The following COP1 variants were observed in gnomAD, a reference collection of about 807,000 sequenced individuals.
The protein encoded by COP1 is COP1 E3 ubiquitin ligase.
In COP1, 24 loss-of-function variants were observed where a neutral mutation model predicts 101.3. The ratio of observed to expected loss-of-function variants is 0.24; its 90% CI spans 0.17 to 0.33. COP1 has a LOEUF of 0.33. Ranked by LOEUF, COP1 falls within the 10% of genes least tolerant of loss-of-function variation. COP1 has a pLI of 1.00. For missense variants in COP1, 663 were observed against 906.2 expected (o/e 0.73, Z 3.45); for synonymous variants, 347 against 341.9 (o/e 1.01, Z -0.17).
intron 1 of COP1, among the ~76,000 whole-genome samples, chr1:176,203,850 G>A (rs191341896): frequency 6.6e-6 from 1 of 152,126 alleles, no homozygotes; most frequent in Non-Finnish European, 1.5e-5. Flanking sequence ...AATTAGGTAC[G>A]TGACTATTTA....
chr1:175,981,397 G>A (rs1279412490), intron 18 of COP1, among the ~76,000 whole-genome samples: 1 of 152,002 alleles, frequency 6.6e-6, no homozygotes, highest in Non-Finnish European at 1.5e-5. Flanking sequence ...GGAAGCCAGG[G>A]AGGAAGAAAA....
At chr1:176,123,387 C>T (rs1277197727) in intron 8 of COP1, among the ~76,000 whole-genome samples, 1 of 152,050 alleles carries the variant, frequency 6.6e-6, no homozygotes. Flanking sequence ...CAAGTTTTAC[C>T]ATGTGCAGCT....
chr1:176,178,338 C>CA (rs11409695), intron 2 of COP1, among the ~76,000 whole-genome samples: 14,703 of 111,396 alleles, frequency 0.13, 1,175 homozygotes, highest in African/African-American at 0.25. Context: ...TCTGTCTCTA[C>CA]AAAAAAAAAA....
chr1:176,201,949 T>C (rs181246355), intron 1 of COP1, among the ~76,000 whole-genome samples: 1 of 152,336 alleles, frequency 6.6e-6, no homozygotes, highest in Admixed American at 6.5e-5. Flanking sequence ...TAACTGAACA[T>C]GCTTTTAACA....
chr1:175,948,886 T>C (rs1345571930), intron 18 of COP1, among the ~76,000 whole-genome samples: 1 of 152,046 alleles, frequency 6.6e-6, no homozygotes, highest in African/African-American at 2.4e-5. Flanking sequence ...ACATGGGGGC[T>C]GGGCGCAGTG....
At chr1:176,011,229 ATAAAAT>A (rs1325279946) in intron 15 of COP1, among the ~76,000 whole-genome samples, 4 of 152,198 alleles carry the variant, frequency 2.6e-5, no homozygotes, top group African/African-American at 9.6e-5. Flanking sequence ...TTTAAGTTAT[ATAAAAT>A]TAAACTAAAA....
At chr1:176,128,466 C>T (rs1461163635) in intron 8 of COP1, among the ~76,000 whole-genome samples, 1 of 152,012 alleles carries the variant, frequency 6.6e-6, no homozygotes, top group African/African-American at 2.4e-5. Flanking sequence ...TCAAGTTCAA[C>T]TCCTTGGCAT....
At chr1:176,157,591 C>T (rs1693670420) in intron 5 of COP1, among the ~76,000 whole-genome samples, 1 of 152,038 alleles carries the variant, frequency 6.6e-6, no homozygotes, top group Non-Finnish European at 1.5e-5. Context: ...CTAGCAGAGA[C>T]AAAAAACTGC....
At chr1:175,976,519 C>T (rs1382818332) in intron 18 of COP1, among the ~76,000 whole-genome samples, 1 of 151,906 alleles carries the variant, frequency 6.6e-6, no homozygotes, top group South Asian at 2.1e-4. Flanking sequence ...CTCAAGTGAT[C>T]CTCCCACCTC....
intron 10 of COP1, 70 bp from the exon 11 acceptor site, chr1:176,081,357 C>G: frequency 8.2e-7 from 1 of 1,222,146 alleles, no homozygotes; most frequent in East Asian, 2.5e-5. Flanking sequence ...AGAGCCACAT[C>G]CACAAATTAA....
chr1:176,192,846 C>T (rs766625490), intron 1 of COP1, among the ~76,000 whole-genome samples: 21 of 151,388 alleles, frequency 1.4e-4, no homozygotes, highest in Non-Finnish European at 3.0e-4. Context: ...GAGATGTGTT[C>T]CTTGTATCCC....
At chr1:175,957,611 A>G (rs1175797589) in intron 18 of COP1, among the ~76,000 whole-genome samples, 2 of 152,208 alleles carry the variant, frequency 1.3e-5, no homozygotes, top group African/African-American at 4.8e-5. Context: ...ACAACTATGG[A>G]AAAAGGTTTG....
chr1:176,036,328 C>A (rs1669534244), intron 14 of COP1, among the ~76,000 whole-genome samples: 1 of 151,490 alleles, frequency 6.6e-6, no homozygotes, highest in African/African-American at 2.4e-5. Flanking sequence ...TAGAAAATTA[C>A]AGAAAAATCA....
At position 176,147,948 on chromosome 1, in the gene COP1, G is replaced by A. The variant is rs542397839; in HGVS notation, c.831+1058C>T. ...AGATTCTCGCCCTGTTGCCCAGGCT[G>A]GAGTGCAGTGGCGCGATCTCGGCTC... On this transcript the variant is annotated intron_variant, in intron 6 of 19. Transcript: ENST00000367669. Among the ~76,000 whole-genome samples, 3 of 152,238 alleles carry A rather than the reference G, an allele frequency of 2.0e-5. No homozygotes were observed. In the South Asian group the frequency reaches 6.2e-4, roughly 32 times the overall value.
chr1:176,037,281 C>T (rs967619824), intron 14 of COP1, among the ~76,000 whole-genome samples: 1 of 151,888 alleles, frequency 6.6e-6, no homozygotes, highest in African/African-American at 2.4e-5. Flanking sequence ...GTGGCGGGTG[C>T]CCGTAGTCCC....
intron 15 of COP1, among the ~76,000 whole-genome samples, chr1:176,003,221 T>C (rs1388836775): frequency 1.3e-5 from 2 of 152,210 alleles, no homozygotes; most frequent in Admixed American, 1.3e-4. Context: ...TGTAAATTTG[T>C]TTGAGTTCAT....
chr1:176,196,052 T>C (rs1699649915), intron 1 of COP1, among the ~76,000 whole-genome samples: 1 of 152,084 alleles, frequency 6.6e-6, no homozygotes, highest in African/African-American at 2.4e-5. Flanking sequence ...ATGTTTCAAA[T>C]AAGAAATCAC....
chr1:176,204,452 GA>G (rs972082020), intron 1 of COP1, among the ~76,000 whole-genome samples: 32 of 149,738 alleles, frequency 2.1e-4, no homozygotes, highest in Admixed American at 4.7e-4. Flanking sequence ...CAAACGGGGG[GA>G]AAAAAAAAGA....
At position 176,207,012 on chromosome 1, in the gene COP1, G is replaced by A. The variant is rs893478803; in HGVS notation, c.-34C>T. 8.8e-6 allele frequency: 12 copies of A among 1,363,878 alleles called. No homozygotes were observed. The highest frequency in any genetic ancestry group is 1.0e-5 in the Non-Finnish European group (11 of 1,061,666). 84.5% of individuals were successfully genotyped at this position (1,363,878 alleles called of 1,614,324 possible). A position where few individuals can be genotyped will look rare whatever the true frequency, so the allele number is the denominator to read the frequency against. On this transcript the variant is annotated 5_prime_UTR_variant, in exon 1 of 20. Coordinates refer to ENST00000367669, the MANE Select transcript of COP1 (RefSeq NM_022457.7). ...CCTCCCCTCCAGCCGGGCGCTCGGAGGAGAGGGACCGCGACCTCGACCCTC... is the reference window on the plus strand; with the variant it reads ...CCTCCCCTCCAGCCGGGCGCTCGGAAGAGAGGGACCGCGACCTCGACCCTC...
Sources: allele counts gnomAD v4.1 joint callset (sites outside exome capture counted in the v4.1 genomes callset), GRCh38; gene constraint gnomAD v4.1.1; transcripts MANE v1.5; gene names NCBI Gene and HGNC (gene_info 2026-07-23, HGNC 2026-07-21).